The following ST8SIA1 variants were observed in gnomAD, a reference collection of about 807,000 sequenced individuals.
ST8SIA1 encodes the protein alpha-N-acetylneuraminide alpha-2,8-sialyltransferase.
Under a neutral mutation model 35.9 loss-of-function variants are expected in ST8SIA1, and 16 were observed. The observed-to-expected ratio is 0.45, with a 90% CI of 0.30 to 0.68. ST8SIA1 has a LOEUF of 0.68. Among genes scored for constraint, ST8SIA1 ranks in the 30% least tolerant of loss-of-function variants. The probability of loss-of-function intolerance (pLI) is 0.09; values close to 1 mark genes in which losing one functional copy is unlikely to be tolerated. For synonymous variants in ST8SIA1, 170 were observed against 169.6 expected, an observed-to-expected ratio of 1.00 and a Z score of -0.02; for missense variants, 383 against 453.6, an observed-to-expected ratio of 0.84 and a Z score of 1.41.
intron 1 of ST8SIA1, among the ~76,000 whole-genome samples, chr12:22,311,153 T>C (rs976007242): frequency 3.3e-5 from 5 of 152,144 alleles, no homozygotes; most frequent in Non-Finnish European, 5.9e-5. Flanking sequence ...ATGCACTGAG[T>C]GTGTGTCAAA....
At chr12:22,308,995 T>C (rs1866417362) in intron 1 of ST8SIA1, among the ~76,000 whole-genome samples, 1 of 152,184 alleles carries the variant, frequency 6.6e-6, no homozygotes, top group South Asian at 2.1e-4. Context: ...ACATTCCTTA[T>C]ATCCATCCCA....
intron 3 of ST8SIA1, among the ~76,000 whole-genome samples, chr12:22,249,327 T>C (rs551471586): frequency 9.3e-5 from 14 of 151,250 alleles, no homozygotes; most frequent in Non-Finnish European, 2.1e-4. Flanking sequence ...CACGCCATTC[T>C]CCTGCCTCAG....
intron 4 of ST8SIA1, among the ~76,000 whole-genome samples, chr12:22,227,445 G>T (rs1865371991): frequency 1.3e-5 from 2 of 151,712 alleles, no homozygotes; most frequent in Admixed American, 1.3e-4. Flanking sequence ...ATGGTGGTGG[G>T]CGCCTGTAAT....
chr12:22,213,143 T>A (rs2120640857), intron 4 of ST8SIA1, among the ~76,000 whole-genome samples: 1 of 152,192 alleles, frequency 6.6e-6, no homozygotes, highest in South Asian at 2.1e-4. Flanking sequence ...AACATCCCTA[T>A]GATTTCATTC....
intron 4 of ST8SIA1, among the ~76,000 whole-genome samples, chr12:22,205,666 C>G (rs1865098602): frequency 6.6e-6 from 1 of 152,004 alleles, no homozygotes; most frequent in Admixed American, 6.6e-5. Context: ...GTCTACAATC[C>G]TAGCACTTTA....
At chr12:22,235,725 C>T (rs1459952813) in intron 4 of ST8SIA1, among the ~76,000 whole-genome samples, 1 of 152,138 alleles carries the variant, frequency 6.6e-6, no homozygotes, top group Non-Finnish European at 1.5e-5. Context: ...GTTGTCTGTA[C>T]GTTCCAAAAG....
At chr12:22,217,584 C>T (rs918566460) in intron 4 of ST8SIA1, among the ~76,000 whole-genome samples, 9 of 152,244 alleles carry the variant, frequency 5.9e-5, no homozygotes, top group African/African-American at 1.7e-4. Flanking sequence ...TACTTCATTG[C>T]TTTATGCCTC....
At chr12:22,291,781 G>A (rs570487540) in intron 1 of ST8SIA1, among the ~76,000 whole-genome samples, 48 of 152,234 alleles carry the variant, frequency 3.2e-4, no homozygotes, top group African/African-American at 1.1e-3. Context: ...AGAAGAAAAT[G>A]CTGCAATAAT....
At chr12:22,325,047 C>T (rs143137618) in intron 1 of ST8SIA1, 1 of 165,248 alleles carries the variant, frequency 6.1e-6, no homozygotes, top group East Asian at 1.7e-4. Context: ...ACAAAAGAGA[C>T]TGTTTACAAT....
At chr12:22,321,004 AAG>A (rs1866589966) in intron 1 of ST8SIA1, among the ~76,000 whole-genome samples, 1,939 of 25,022 alleles carry the variant, frequency 0.077, 30 homozygotes, top group Middle Eastern at 0.22. Flanking sequence ...AGAAAGAAAG[AAG>A]AAAGAAAGAA....
intron 1 of ST8SIA1, among the ~76,000 whole-genome samples, chr12:22,330,485 C>T (rs1332215365): frequency 1.3e-5 from 2 of 152,168 alleles, no homozygotes; most frequent in African/African-American, 4.8e-5. Flanking sequence ...AGAATTCCAA[C>T]CATGTTCTGA....
Position 22,196,008 on chromosome 12 carries a change from C to A in ST8SIA1, c.*5544G>T, listed in dbSNP as rs527307186. On this transcript the variant is annotated 3_prime_UTR_variant, in exon 5 of 5. Transcript: ENST00000396037. ...TATTTGGATATTATTCTATAAAATT[C>A]TCAGACAGCTTGGCATCATTGATTA... is the stretch of plus-strand genomic sequence containing the variant. 1.6e-4 allele frequency: 25 copies of A among 152,230 alleles called. No homozygotes were observed. In the East Asian group the frequency reaches 3.3e-3, roughly 20 times the overall value. 9.4% of individuals were successfully genotyped at this position (152,230 alleles called of 1,614,324 possible). A position where few individuals can be genotyped will look rare whatever the true frequency, so the allele number is the denominator to read the frequency against.
At chr12:22,286,909 T>C (rs557895801) in intron 2 of ST8SIA1, among the ~76,000 whole-genome samples, 7 of 152,166 alleles carry the variant, frequency 4.6e-5, no homozygotes, top group Non-Finnish European at 7.3e-5. Flanking sequence ...TTCAGTCTCA[T>C]AGGACTCAAA....
chr12:22,296,086 C>G (rs551795554), intron 1 of ST8SIA1, among the ~76,000 whole-genome samples: 1 of 152,156 alleles, frequency 6.6e-6, no homozygotes, highest in African/African-American at 2.4e-5. Flanking sequence ...CCTTCAAAAT[C>G]ATTCCAGATA....
chr12:22,291,067 C>T (rs185497468), intron 1 of ST8SIA1, among the ~76,000 whole-genome samples: 4 of 152,250 alleles, frequency 2.6e-5, no homozygotes, highest in Non-Finnish European at 2.9e-5. Flanking sequence ...TAAATACTTA[C>T]GAAGCCTGGG....
At chr12:22,333,142 G>A (rs551122458) in intron 1 of ST8SIA1, among the ~76,000 whole-genome samples, 4 of 152,174 alleles carry the variant, frequency 2.6e-5, no homozygotes, top group African/African-American at 9.6e-5. Flanking sequence ...GAAAGGAAGC[G>A]GATCTACAAC....
At chr12:22,253,481 C>T (rs1865696024) in intron 3 of ST8SIA1, among the ~76,000 whole-genome samples, 1 of 152,172 alleles carries the variant, frequency 6.6e-6, no homozygotes, top group Admixed American at 6.6e-5. Context: ...GGTTGTTTCT[C>T]TGCTTAGGGT....
In ST8SIA1 at chr12:22,201,737, A is replaced by G; in HGVS notation, c.886T>C (p.Trp296Arg). The change falls in exon 5 of 5, where the codon TGG becomes CGG. Residue 296 changes from tryptophan (W) to arginine (R), a missense_variant. Coordinates refer to ENST00000396037, the MANE Select transcript of ST8SIA1 (RefSeq NM_003034.4). The part of the protein sequence containing the change: ...LCEEVAIYGF[W>R]PFSVNMHEQP... ...TCATGCATATTCACAGAGAAGGGCCAGAAGCCATAGATGGCCACCTCTTCA... is the reference window on the plus strand; with the variant it reads ...TCATGCATATTCACAGAGAAGGGCCGGAAGCCATAGATGGCCACCTCTTCA... 6.2e-7 allele frequency: 1 copy of G among 1,614,130 alleles called. No individual in the cohort carries two copies.
At chr12:22,321,003 G>GAAAGAAAGAAAGAAGAAAGAAAGA (rs377218947) in intron 1 of ST8SIA1, among the ~76,000 whole-genome samples, 2 of 76,560 alleles carry the variant, frequency 2.6e-5, no homozygotes, top group Non-Finnish European at 5.3e-5. Context: ...AAGAAAGAAA[G>GAAAGAAAGAAAGAAGAAAGAAAGA]AAGAAAGAAA....
Sources: allele counts gnomAD v4.1 joint callset (sites outside exome capture counted in the v4.1 genomes callset), GRCh38; gene constraint gnomAD v4.1.1; transcripts MANE v1.5; gene names NCBI Gene and HGNC (gene_info 2026-07-23, HGNC 2026-07-21).